Variants in ARHGAP23 observed in about 807,000 individuals in gnomAD.
ARHGAP23 encodes the protein Rho GTPase activating protein 23, also known as rho GTPase-activating protein 23.
A neutral mutation model predicts 136.3 loss-of-function variants in ARHGAP23; 34 were observed. The observed-to-expected ratio is 0.25, with a 90% CI of 0.19 to 0.33. The LOEUF (loss-of-function observed/expected upper bound fraction) is 0.33. ARHGAP23 is among the 10% of genes least tolerant of loss of function. ARHGAP23 has a pLI of 1.00. For synonymous variants in ARHGAP23, 832 were observed against 920.5 expected, an observed-to-expected ratio of 0.90 and a Z score of 1.74; for missense variants, 1,808 against 2,139.0, an observed-to-expected ratio of 0.85 and a Z score of 3.05.
At chr17:38,444,820 AT>A (rs60306950) in intron 1 of ARHGAP23, among the ~76,000 whole-genome samples, 23,067 of 142,822 alleles carry the variant, frequency 0.16, 2,324 homozygotes, top group African/African-American at 0.3. Flanking sequence ...ATCTTTCAAC[AT>A]TTTTTTTTTT....
intron 7 of ARHGAP23, 99 bp from the exon 8 acceptor site, chr17:38,469,045 G>A (rs2039679161): frequency 1.5e-6 from 2 of 1,309,572 alleles, no homozygotes; most frequent in Admixed American, 2.4e-5. Flanking sequence ...ATGTGTCTGA[G>A]CCTGGAGGCG....
chr17:38,472,217 G>A (rs892313414), intron 11 of ARHGAP23, among the ~76,000 whole-genome samples: 3 of 152,192 alleles, frequency 2.0e-5, no homozygotes, highest in Non-Finnish European at 4.4e-5. Context: ...TTTTGCTGTG[G>A]GATGGATCTG....
chr17:38,494,966 A>G (rs2040359234), intron 20 of ARHGAP23, among the ~76,000 whole-genome samples: 1 of 152,122 alleles, frequency 6.6e-6, no homozygotes, highest in Non-Finnish European at 1.5e-5. Context: ...CTTTGGGCCG[A>G]TCCTCAGGCT....
chr17:38,446,095 A>T (rs761333813), intron 1 of ARHGAP23, among the ~76,000 whole-genome samples: 10 of 148,168 alleles, frequency 6.7e-5, no homozygotes, highest in African/African-American at 7.5e-5. Flanking sequence ...GCTCATTGTA[A>T]CCTCCATCTC....
chr17:38,489,111 A>G (rs1176657646), intron 17 of ARHGAP23, among the ~76,000 whole-genome samples: 1 of 151,998 alleles, frequency 6.6e-6, no homozygotes, highest in Non-Finnish European at 1.5e-5. Flanking sequence ...CCTGATCTCA[A>G]GTGATCAGCT....
At position 38,428,540 on chromosome 17, in the gene ARHGAP23, C is replaced by T; in HGVS notation, c.55C>T (p.Pro19Ser). 1 of 1,451,160 alleles carries T rather than the reference C, an allele frequency of 6.9e-7. No homozygotes were observed. The allele number at this position is 1,451,160 out of a possible 1,614,324, so 89.9% of individuals were successfully genotyped here. Residue 19 changes from proline to serine, a missense_variant, in exon 1 of 24, where the codon CCC becomes TCC. Pro to Ser is a moderately conservative substitution (Grantham distance 74). Coordinates refer to ENST00000622683, the MANE Select transcript of ARHGAP23 (RefSeq NM_001199417.2). Reference protein sequence around the residue: ...VGIPPRPEPRPPQLPLGPRDG... With the variant: ...VGIPPRPEPRSPQLPLGPRDG... ...GATCCCGCCCCGCCCGGAGCCCCGG[C>T]CCCCACAGGTGAGGGTGCTGGGCCA... is the stretch of plus-strand genomic sequence containing the variant.
intron 1 of ARHGAP23, chr17:38,453,838 G>T (rs2039254353): frequency 6.9e-6 from 1 of 144,542 alleles, no homozygotes; most frequent in Non-Finnish European, 1.5e-5. Context: ...CCGGCCGCCC[G>T]GGGGGTCGAG....
chr17:38,490,458 T>C lies in ARHGAP23; in HGVS notation c.3061-4T>C. 2 of 1,546,332 alleles carry C rather than the reference T, an allele frequency of 1.3e-6. No homozygotes were observed. Among genetic ancestry groups the C allele is most frequent in the Non-Finnish European group, 1.7e-6 (2 of 1,143,862 alleles). ...TCCCCATGCCCCTCCTCTCTCCTGC[T>C]CAGATCCGGGATCTCCCAGGACACT... is the stretch of plus-strand genomic sequence containing the variant. On this transcript the variant is annotated splice_polypyrimidine_tract_variant and splice_region_variant and intron_variant, in intron 18 of 23. Coordinates refer to ENST00000622683, the MANE Select transcript of ARHGAP23 (RefSeq NM_001199417.2).
upstream of ARHGAP23, among the ~76,000 whole-genome samples, chr17:38,427,726 T>C (rs760884043): frequency 5.8e-4 from 88 of 151,912 alleles, no homozygotes; most frequent in Non-Finnish European, 9.4e-4. Flanking sequence ...TGGGTGGGGG[T>C]CCGAAGGGCT....
At chr17:38,485,435 C>T (rs2040138889) in intron 16 of ARHGAP23, among the ~76,000 whole-genome samples, 1 of 152,144 alleles carries the variant, frequency 6.6e-6, no homozygotes, top group South Asian at 2.1e-4. Flanking sequence ...ATCCTGTCTC[C>T]TCCTGGAGCT....
At chr17:38,468,239 C>T (rs2039659374) in intron 7 of ARHGAP23, among the ~76,000 whole-genome samples, 1 of 152,158 alleles carries the variant, frequency 6.6e-6, no homozygotes, top group Non-Finnish European at 1.5e-5. Context: ...CTGGGGTTGG[C>T]TTTTGAGAGC....
At chr17:38,499,525 C>G (rs2040473581) in intron 22 of ARHGAP23, among the ~76,000 whole-genome samples, 1 of 152,186 alleles carries the variant, frequency 6.6e-6, no homozygotes, top group Non-Finnish European at 1.5e-5. Flanking sequence ...GGTTGTCCCT[C>G]CCTTTAGTTT....
upstream of ARHGAP23, among the ~76,000 whole-genome samples, chr17:38,425,921 G>A (rs150546351): frequency 6.6e-5 from 10 of 151,974 alleles, no homozygotes; most frequent in African/African-American, 9.7e-5. Context: ...GGGAGCGGGT[G>A]GGGGAGGCTG....
At chr17:38,426,550 C>CAAAAA (rs751365956), upstream of ARHGAP23, among the ~76,000 whole-genome samples, 863 of 51,192 alleles carry the variant, frequency 0.017, 54 homozygotes, top group African/African-American at 0.06. Context: ...AACTCCATCT[C>CAAAAA]AAAAAAAAAA....
upstream of ARHGAP23, among the ~76,000 whole-genome samples, chr17:38,425,186 G>A (rs112299249): frequency 0.029 from 4,446 of 152,246 alleles, 83 homozygotes; most frequent in Middle Eastern, 0.15. Flanking sequence ...CCCCGCCTGT[G>A]TTTCCTTCCT....
intron 3 of ARHGAP23, 57 bp from the exon 4 acceptor site, chr17:38,462,789 G>T: frequency 8.0e-7 from 1 of 1,244,836 alleles, no homozygotes; most frequent in Non-Finnish European, 1.1e-6. Context: ...GTGTGTAGCT[G>T]TGCATGGGTG....
Position 38,489,689 on chromosome 17 carries a change from T to C in ARHGAP23, c.2987-413T>C, listed in dbSNP as rs193146163. 5.3e-4 allele frequency: 95 copies of C among 179,558 alleles called. 2 individuals carry two copies. The Middle Eastern group carries it at 8.1e-3, about 15-fold the overall frequency. 11.1% of individuals were successfully genotyped at this position (179,558 alleles called of 1,614,324 possible). On this transcript the variant is annotated intron_variant, in intron 17 of 23. Transcript: ENST00000622683. ...ATGTTCCATTTTTTAAAGGTCCCCA[T>C]GGACTTGTTCTGAAGGGAGTTGGGG...
At chr17:38,445,791 C>A (rs888651708) in intron 1 of ARHGAP23, among the ~76,000 whole-genome samples, 1 of 151,864 alleles carries the variant, frequency 6.6e-6, no homozygotes, top group African/African-American at 2.4e-5. Context: ...CATGCTACCA[C>A]GCTCTGCTAT....
At chr17:38,475,416 A>G (rs1295895930) in intron 11 of ARHGAP23, among the ~76,000 whole-genome samples, 1 of 152,214 alleles carries the variant, frequency 6.6e-6, no homozygotes, top group Non-Finnish European at 1.5e-5. Flanking sequence ...TCACTGTCAC[A>G]TTAAAATTCT....
Sources: gnomAD v4.1 joint callset for allele counts (sites outside exome capture counted in the v4.1 genomes callset) on GRCh38, gnomAD v4.1.1 for gene constraint, MANE v1.5 for transcripts, NCBI Gene and HGNC (gene_info 2026-07-23, HGNC 2026-07-21) for gene names.